The following TRIM14 variants were observed in gnomAD, a reference collection of about 807,000 sequenced individuals.
The protein encoded by TRIM14 is tripartite motif-containing protein 14.
Under a neutral mutation model 44.5 loss-of-function variants are expected in TRIM14, and 28 were observed. The observed-to-expected ratio is 0.63, with a 90% CI of 0.47 to 0.86. TRIM14 has a LOEUF of 0.86. Ranked by LOEUF, TRIM14 falls within the 40% of genes least tolerant of loss-of-function variation. TRIM14 has a pLI of 0.00. For missense variants in TRIM14, 607 were observed against 611.1 expected, an observed-to-expected ratio of 0.99 and a Z score of 0.07; for synonymous variants, 299 against 269.2, an observed-to-expected ratio of 1.11 and a Z score of -1.08.
intron 2 of TRIM14, among the ~76,000 whole-genome samples, chr9:98,103,423 G>A (rs1462332492): frequency 6.6e-6 from 1 of 152,176 alleles, no homozygotes; most frequent in Non-Finnish European, 1.5e-5. Context: ...TTTGGCAAGA[G>A]GCATGGGATT....
intron 2 of TRIM14, among the ~76,000 whole-genome samples, chr9:98,106,293 G>A: frequency 6.6e-6 from 1 of 152,204 alleles, no homozygotes; most frequent in East Asian, 1.9e-4. Context: ...ATCTCAAAAT[G>A]TGAATAATGG....
chr9:98,071,427 C>A (rs7021059), intron 6 of TRIM14, among the ~76,000 whole-genome samples: 2,101 of 152,348 alleles, frequency 0.014, 52 homozygotes, highest in African/African-American at 0.048. Flanking sequence ...GTTATTTAAC[C>A]TTTTTGTGCC....
intron 5 of TRIM14, among the ~76,000 whole-genome samples, chr9:98,090,673 C>T (rs906301756): frequency 3.2e-4 from 49 of 151,392 alleles, no homozygotes; most frequent in African/African-American, 1.1e-3. Context: ...AAGCGATTCT[C>T]CTGCCTCAGT....
At chr9:98,081,215 G>A (rs776696635), downstream of TRIM14, 78 of 1,222,616 alleles carry the variant, frequency 6.4e-5, no homozygotes, top group South Asian at 2.7e-4. Context: ...GCTCCCACCC[G>A]TGTCAGCTTC....
At chr9:98,111,050 C>A (rs556175104) in intron 1 of TRIM14, among the ~76,000 whole-genome samples, 16,392 of 146,656 alleles carry the variant, frequency 0.11, 2,663 homozygotes, top group African/African-American at 0.38. Flanking sequence ...AGACCCTGTC[C>A]CCCCCCCCAA....
At chr9:98,079,768 T>C (rs369779612), downstream of TRIM14, among the ~76,000 whole-genome samples, 369 of 152,340 alleles carry the variant, frequency 2.4e-3, 17 homozygotes, top group South Asian at 0.073. Context: ...CACTACACAT[T>C]GCAGGAGTTA....
the TRIM14 span, chr9:98,060,817 T>C: frequency 6.2e-7 from 1 of 1,613,704 alleles, no homozygotes; most frequent in Non-Finnish European, 8.5e-7. Flanking sequence ...TCCAGAAGAG[T>C]GAGCTAGAAT....
downstream of TRIM14, among the ~76,000 whole-genome samples, chr9:98,065,116 G>A (rs1448632228): frequency 1.3e-5 from 2 of 152,154 alleles, no homozygotes; most frequent in Non-Finnish European, 2.9e-5. Flanking sequence ...AATAGGTCTT[G>A]TAAGTATCAA....
At chr9:98,053,182 C>A in the TRIM14 span, among the ~76,000 whole-genome samples, 2 of 152,212 alleles carry the variant, frequency 1.3e-5, no homozygotes, top group Non-Finnish European at 2.9e-5. Flanking sequence ...TACTGAGCTA[C>A]CGCATTAAGC....
intron 2 of TRIM14, among the ~76,000 whole-genome samples, chr9:98,105,581 A>AAAAC (rs796738149): frequency 2.0e-5 from 3 of 152,218 alleles, no homozygotes; most frequent in Middle Eastern, 3.2e-3. Flanking sequence ...TCTGTCTCAA[A>AAAAC]AAACAAACAA....
chr9:98,118,906 G>A (rs1827146254), intron 1 of TRIM14, 76 bp downstream of exon 1: 2 of 1,392,776 alleles, frequency 1.4e-6, no homozygotes, highest in Non-Finnish European at 1.9e-6. Flanking sequence ...GGCCAGGCAC[G>A]CCCCCTCCTC....
At chr9:98,079,669 T>A (rs1382804814), downstream of TRIM14, among the ~76,000 whole-genome samples, 1 of 152,208 alleles carries the variant, frequency 6.6e-6, no homozygotes, top group Non-Finnish European at 1.5e-5. Context: ...ATTCCGATAA[T>A]TAACAGTTTA....
intron 5 of TRIM14, among the ~76,000 whole-genome samples, chr9:98,090,750 G>C (rs1025285084): frequency 3.9e-5 from 6 of 152,216 alleles, no homozygotes; most frequent in South Asian, 2.1e-4. Flanking sequence ...TTTTAGTGGA[G>C]ACAGGGTTTC....
chr9:98,054,245 C>A, the TRIM14 span, among the ~76,000 whole-genome samples: 1 of 152,108 alleles, frequency 6.6e-6, no homozygotes, highest in East Asian at 1.9e-4. Context: ...TCCACATATA[C>A]AAACACACAC....
chr9:98,036,499 T>TAAAA, the TRIM14 span, among the ~76,000 whole-genome samples: 2 of 45,068 alleles, frequency 4.4e-5, no homozygotes, highest in Non-Finnish European at 4.1e-5. Flanking sequence ...AGACTCCATC[T>TAAAA]GAAAAAAAAA....
the TRIM14 span, chr9:98,060,745 C>T: frequency 1.8e-5 from 29 of 1,598,712 alleles, no homozygotes; most frequent in African/African-American, 6.7e-5. Flanking sequence ...TGAGAATCTA[C>T]GACAGTCACT....
In TRIM14 at chr9:98,090,378, T is replaced by TA. The variant is rs1326621918; in HGVS notation, c.793+1530dup. Among the ~76,000 whole-genome samples the TA allele has an allele frequency of 2.6e-5, 4 of 152,272 alleles. No homozygotes were observed. In the East Asian group the frequency reaches 7.7e-4, roughly 29 times the overall value. ...CTGAAAGTTCAAAAACAGGTAAAAC[T>TA]AACCTATAGTCCTAGAAGTCTGGAG... On this transcript the variant is annotated intron_variant, in intron 5 of 5. Coordinates refer to ENST00000341469, the MANE Select transcript of TRIM14 (RefSeq NM_014788.4).
Position 98,087,822 on chromosome 9 carries a change from A to G in TRIM14, c.977T>C (p.Val326Ala), listed in dbSNP as rs754805853. ...CFATGRHYWE[V>A]DVQEAGAGWW... is the part of the protein sequence containing the mutation. ...GCCGGCGCCCGCCTCCTGCACGTCA[A>G]CCTCCCAGTAGTGGCGGCCGGTGGC... Residue 326 changes from valine (V) to alanine (A), a missense_variant, in exon 6 of 6, where the codon GTT becomes GCT. By Grantham distance (64) the Val-to-Ala change is moderately conservative. Transcript: ENST00000341469. 3.3e-5 allele frequency: 51 copies of G among 1,532,960 alleles called. 2 individuals are homozygous for G. The Middle Eastern group carries it at 6.7e-4, about 20-fold the overall frequency. 95.0% of individuals were successfully genotyped at this position (1,532,960 alleles called of 1,614,324 possible).
At chr9:98,055,827 T>G in the TRIM14 span, among the ~76,000 whole-genome samples, 1 of 152,038 alleles carries the variant, frequency 6.6e-6, no homozygotes, top group Non-Finnish European at 1.5e-5. Flanking sequence ...AACCTCCACC[T>G]CCCGGGTTCA....
Sources: gnomAD v4.1 joint callset for allele counts (sites outside exome capture counted in the v4.1 genomes callset) on GRCh38, gnomAD v4.1.1 for gene constraint, MANE v1.5 for transcripts, NCBI Gene and HGNC (gene_info 2026-07-23, HGNC 2026-07-21) for gene names.